AFF3: variants seen among roughly 807,000 people sequenced by gnomAD.
The protein encoded by AFF3 is ALF transcription elongation factor 3.
In AFF3, 32 loss-of-function variants were observed where a neutral mutation model predicts 129.7. The ratio of observed to expected loss-of-function variants is 0.25; its 90% CI spans 0.19 to 0.33. AFF3 has a LOEUF of 0.33. AFF3 is among the 10% of genes least tolerant of loss of function. AFF3 has a pLI of 1.00. For missense variants in AFF3, 1,373 were observed against 1,592.0 expected (o/e 0.86, Z 2.34); for synonymous variants, 644 against 635.4 (o/e 1.01, Z -0.20).
intron 13 of AFF3, among the ~76,000 whole-genome samples, chr2:99,629,096 G>A (rs1459893073): frequency 6.6e-6 from 1 of 152,178 alleles, no homozygotes; most frequent in African/African-American, 2.4e-5. Context: ...GACCTCAAGT[G>A]ATCCACCTGC....
chr2:99,629,210 A>G (rs1682897206), intron 13 of AFF3, among the ~76,000 whole-genome samples: 1 of 152,166 alleles, frequency 6.6e-6, no homozygotes, highest in African/African-American at 2.4e-5. Flanking sequence ...TACTTTGTTG[A>G]ATATGACTGC....
At chr2:99,978,895 G>T (rs116076007) in intron 7 of AFF3, among the ~76,000 whole-genome samples, 1,984 of 152,262 alleles carry the variant, frequency 0.013, 52 homozygotes, top group African/African-American at 0.045. Context: ...AGAAATAAAT[G>T]TTTATTGTTT....
chr2:99,764,120 C>G (rs1034866863), intron 8 of AFF3, among the ~76,000 whole-genome samples: 1 of 152,202 alleles, frequency 6.6e-6, no homozygotes, highest in African/African-American at 2.4e-5. Context: ...TAACTCAGAC[C>G]TGTGCATCCC....
chr2:99,714,023 C>G (rs1280668706), intron 11 of AFF3, among the ~76,000 whole-genome samples: 2 of 152,112 alleles, frequency 1.3e-5, no homozygotes, highest in Non-Finnish European at 2.9e-5. Context: ...TTTATAAACT[C>G]TCTTTTACGA....
intron 9 of AFF3, among the ~76,000 whole-genome samples, chr2:99,749,012 A>G (rs1358775855): frequency 6.6e-6 from 1 of 152,160 alleles, no homozygotes; most frequent in Non-Finnish European, 1.5e-5. Flanking sequence ...CACGCAGTAC[A>G]ATGTCTATGC....
intron 8 of AFF3, among the ~76,000 whole-genome samples, chr2:99,786,795 G>C (rs1358160039): frequency 1.3e-5 from 2 of 152,158 alleles, no homozygotes; most frequent in Non-Finnish European, 2.9e-5. Flanking sequence ...GTGGAGTTTT[G>C]TCCTTTCCCA....
chr2:100,073,764 G>C (rs1053542344), intron 4 of AFF3, among the ~76,000 whole-genome samples: 3 of 152,154 alleles, frequency 2.0e-5, no homozygotes, highest in African/African-American at 7.2e-5. Flanking sequence ...GGGCTTTTCA[G>C]ATGACCTCTT....
intron 4 of AFF3, among the ~76,000 whole-genome samples, chr2:100,023,910 A>G (rs1249428102): frequency 6.6e-6 from 1 of 152,186 alleles, no homozygotes; most frequent in Non-Finnish European, 1.5e-5. Flanking sequence ...GCAATAGCAT[A>G]TTTAGGAATA....
chr2:99,986,190 G>C (rs1162850991), intron 7 of AFF3, among the ~76,000 whole-genome samples: 2 of 143,492 alleles, frequency 1.4e-5, no homozygotes, highest in Non-Finnish European at 3.0e-5. Context: ...GACAGAGCGA[G>C]ACTTCATCTC....
At chr2:100,118,750 G>T (rs1387989835) in intron 2 of AFF3, among the ~76,000 whole-genome samples, 1 of 151,724 alleles carries the variant, frequency 6.6e-6, no homozygotes, top group Admixed American at 6.6e-5. Context: ...GTAGAACTCA[G>T]CCCTTTGGAA....
At chr2:99,937,327 C>A (rs186213293) in intron 7 of AFF3, among the ~76,000 whole-genome samples, 1 of 152,124 alleles carries the variant, frequency 6.6e-6, no homozygotes, top group Admixed American at 6.5e-5. Flanking sequence ...GGGAAAAGGT[C>A]ACTCACAAAG....
chr2:99,842,696 A>G (rs1489103016), intron 7 of AFF3, among the ~76,000 whole-genome samples: 1 of 152,222 alleles, frequency 6.6e-6, no homozygotes, highest in Non-Finnish European at 1.5e-5. Context: ...CATGCCGCAC[A>G]CTGCCAAGAA....
chr2:99,904,854 A>G (rs977165322), intron 7 of AFF3, among the ~76,000 whole-genome samples: 1 of 151,896 alleles, frequency 6.6e-6, no homozygotes, highest in South Asian at 2.1e-4. Context: ...AGGGCCCCTT[A>G]GGTCTAGAGT....
intron 7 of AFF3, among the ~76,000 whole-genome samples, chr2:99,969,676 T>C (rs900018922): frequency 4.0e-5 from 6 of 151,822 alleles, no homozygotes; most frequent in Non-Finnish European, 5.9e-5. Context: ...GTTGTTGTTG[T>C]TGTTTTAGTA....
intron 13 of AFF3, chr2:99,630,958 G>C (rs989932274): frequency 2.3e-6 from 1 of 444,150 alleles, no homozygotes; most frequent in Middle Eastern, 3.4e-4. Flanking sequence ...GGGTTTCAAT[G>C]GTCAGTGGAG....
In AFF3 at chr2:99,763,673, T is replaced by C. The variant is rs554769023; in HGVS notation, c.922-11372A>G. On this transcript the variant is annotated intron_variant, in intron 8 of 24. Coordinates refer to ENST00000672756, the MANE Select transcript of AFF3 (RefSeq NM_001386135.1). The stretch of plus-strand genomic sequence containing the variant: ...AATATCTATTTCTCATAGTATAGCA[T>C]AGGCTGCTAAAATGCCAGAAACCAA... 1.6e-4 allele frequency among the ~76,000 whole-genome samples: 24 copies of C among 152,334 alleles called. No individual in the cohort carries two copies. The South Asian group carries it at 4.8e-3, about 30-fold the overall frequency.
intron 7 of AFF3, among the ~76,000 whole-genome samples, chr2:99,876,060 C>T (rs947418025): frequency 3.9e-5 from 6 of 152,112 alleles, no homozygotes; most frequent in African/African-American, 1.4e-4. Flanking sequence ...TCTCACTCTC[C>T]TCTGCCAGCT....
intron 8 of AFF3, among the ~76,000 whole-genome samples, chr2:99,754,790 T>G (rs1169452191): frequency 6.6e-6 from 1 of 152,198 alleles, no homozygotes; most frequent in Non-Finnish European, 1.5e-5. Flanking sequence ...CTTCGTACCT[T>G]AATCAGGGTC....
chr2:99,616,091 T>G (rs1681397648), intron 13 of AFF3, among the ~76,000 whole-genome samples: 1 of 152,224 alleles, frequency 6.6e-6, no homozygotes, highest in South Asian at 2.1e-4. Flanking sequence ...ATCTGCTTCC[T>G]ACCTCAATCC....
Sources: gnomAD v4.1 joint callset for allele counts (sites outside exome capture counted in the v4.1 genomes callset) on GRCh38, gnomAD v4.1.1 for gene constraint, MANE v1.5 for transcripts, NCBI Gene and HGNC (gene_info 2026-07-23, HGNC 2026-07-21) for gene names.